Variants in NME4 observed in about 807,000 individuals in gnomAD.
NME4 encodes NME/NM23 nucleoside diphosphate kinase 4.
Under a neutral mutation model 16.4 loss-of-function variants are expected in NME4, and 21 were observed. The observed-to-expected ratio is 1.28, with a 90% confidence interval of 0.91 to 1.84. The LOEUF (loss-of-function observed/expected upper bound fraction) is 1.84, where lower values mean the gene tolerates loss of function less well. NME4 is among the 40% of genes most tolerant of loss of function. The pLI is 0.00. For missense variants in NME4, 316 were observed against 261.3 expected (o/e 1.21, Z -1.44); for synonymous variants, 132 against 107.5 (o/e 1.23, Z -1.41).
intron 4 of NME4, 84 bp downstream of exon 4, chr16:399,823 C>A: frequency 8.8e-7 from 1 of 1,135,802 alleles, no homozygotes; most frequent in Non-Finnish European, 1.3e-6. Flanking sequence ...CGAGACCTGG[C>A]TGTCTTGCTG....
intron 1 of NME4, chr16:397,978 T>C (rs559074909): frequency 6.5e-7 from 1 of 1,543,862 alleles, no homozygotes; most frequent in African/African-American, 1.4e-5. Context: ...CAAACTGGGT[T>C]TTGGGGGAAC....
At chr16:397,390 C>A in intron 1 of NME4, 77 bp downstream of exon 1, 1 of 544,790 alleles carries the variant, frequency 1.8e-6, no homozygotes. Flanking sequence ...TGTGCGCGCA[C>A]GTGCGGGCTG....
intron 1 of NME4, chr16:398,709 A>G (rs914080893): frequency 5.2e-5 from 27 of 522,066 alleles, no homozygotes; most frequent in Non-Finnish European, 8.5e-5. Context: ...TGCCTCCCTG[A>G]ACCTCGGGGC....
chr16:398,238 G>A, intron 1 of NME4: 1 of 1,425,764 alleles, frequency 7.0e-7, no homozygotes, highest in South Asian at 1.2e-5. Context: ...GGCTGGGGCG[G>A]AGCTCAGCGC....
intron 1 of NME4, chr16:398,561 A>T (rs11248932): frequency 0.3 from 146,268 of 481,432 alleles, 23,123 homozygotes; most frequent in South Asian, 0.42. Flanking sequence ...GACTTCCCTG[A>T]GGCCACTGAG....
At chr16:399,981 G>A (rs1371662733) in intron 4 of NME4, 11 of 682,956 alleles carry the variant, frequency 1.6e-5, no homozygotes, top group Middle Eastern at 3.7e-4. Flanking sequence ...GGGTTGGCAC[G>A]GGGCAACTTG....
rs200560858 is a variant in NME4, at chr16:399,449, G to A, written c.296G>A (p.Arg99His). Residue 99 changes from arginine (R) to histidine (H), a missense_variant, in exon 3 of 5, where the codon CGC becomes CAC. Coordinates refer to ENST00000219479, the MANE Select transcript of NME4 (RefSeq NM_005009.3). ...RRKPFYPALI[R>H]YMSSGPVVAM... ...AAGCCCTTCTACCCTGCCCTCATCC[G>A]CTACATGAGCTCTGGGCCTGTGGTG... 7.1e-5 allele frequency: 114 copies of A among 1,612,934 alleles called. No individual in the cohort carries two copies. In the East Asian group the frequency reaches 1.3e-3, roughly 19 times the overall value.
chr16:399,182 C>A (rs979888820), intron 2 of NME4, 59 bp downstream of exon 2: 22 of 1,594,432 alleles, frequency 1.4e-5, no homozygotes, highest in Middle Eastern at 1.8e-4. Flanking sequence ...GGATCCTTCT[C>A]GGCCTTTCAC....
intron 1 of NME4, chr16:398,109 G>C: frequency 6.5e-7 from 1 of 1,534,346 alleles, no homozygotes; most frequent in Non-Finnish European, 8.8e-7. Context: ...CAGGGTCTGG[G>C]CTCCTCTGGA....
Position 400,474 on chromosome 16 carries a change from C to G in NME4, c.*132C>G, listed in dbSNP as rs917427972. 5 of 1,197,718 alleles carry G rather than the reference C, an allele frequency of 4.2e-6. No homozygotes were observed. The African/African-American group carries it at 7.7e-5, about 19-fold the overall frequency. 74.2% of individuals were successfully genotyped at this position (1,197,718 alleles called of 1,614,324 possible). A position where few individuals can be genotyped will look rare whatever the true frequency, so the allele number is the denominator to read the frequency against. On this transcript the variant is annotated 3_prime_UTR_variant, in exon 5 of 5. Coordinates refer to ENST00000219479, the MANE Select transcript of NME4 (RefSeq NM_005009.3). ...CCTGTTCACCTCTGCCCCACCCCAGCCCAGAGGAGTTTGAGCCACCAACTT... is the reference window on the plus strand; with the variant it reads ...CCTGTTCACCTCTGCCCCACCCCAGGCCAGAGGAGTTTGAGCCACCAACTT...
intron 1 of NME4, chr16:397,932 G>A: frequency 4.5e-6 from 7 of 1,550,256 alleles, no homozygotes; most frequent in Non-Finnish European, 6.1e-6. Flanking sequence ...GCCCGCACCA[G>A]CCGCAGCAGA....
intron 1 of NME4, chr16:398,153 T>C: frequency 1.3e-6 from 2 of 1,527,552 alleles, no homozygotes; most frequent in South Asian, 1.2e-5. Flanking sequence ...GTAGCTTGGC[T>C]CTGGAGCAGC....
upstream of NME4, chr16:396,860 A>C (rs1942096943): frequency 6.6e-6 from 1 of 152,298 alleles, no homozygotes; most frequent in South Asian, 2.1e-4. Context: ...CTCAGGCTGG[A>C]GTGCAGCGGT....
chr16:400,132 GA>G, intron 4 of NME4, 86 bp from the exon 5 acceptor site: 1 of 1,554,820 alleles, frequency 6.4e-7, no homozygotes, highest in Non-Finnish European at 8.8e-7. Context: ...CCCCTAGACA[GA>G]GGGCAACGGG....
rs560081691 is a variant in NME4 at position 400,375 on chromosome 16, C to T, written c.*33C>T. ...GCTGCCCTTACCACCCCATCCCCCA[C>T]GCAGGACCAACTACCTCCGTCAGCA... On this transcript the variant is annotated 3_prime_UTR_variant, in exon 5 of 5. Coordinates refer to ENST00000219479, the MANE Select transcript of NME4 (RefSeq NM_005009.3). 24 of 1,584,420 alleles carry T rather than the reference C, an allele frequency of 1.5e-5. No individual in the cohort carries two copies. The Admixed American group carries it at 2.2e-4, about 15-fold the overall frequency.
chr16:400,585 G>A lies in NME4; in HGVS notation c.*243G>A, dbSNP rs1005477939. ...GCCGGACAACCTTTGTGGTGGGGGG[G>A]GGTCTTCACATTATCATAACCTCTC... is the stretch of plus-strand genomic sequence containing the variant. On this transcript the variant is annotated 3_prime_UTR_variant, in exon 5 of 5. Transcript: ENST00000219479. The A allele has an allele frequency of 2.1e-5, 10 of 486,242 alleles. No individual in the cohort carries two copies. The East Asian group carries it at 2.3e-4, about 11-fold the overall frequency. The allele number at this position is 486,242 out of a possible 1,614,324, so 30.1% of individuals were successfully genotyped here. A position where few individuals can be genotyped will look rare whatever the true frequency, so the allele number is the denominator to read the frequency against.
intron 1 of NME4, chr16:398,048 C>G: frequency 1.3e-6 from 2 of 1,531,048 alleles, no homozygotes; most frequent in South Asian, 1.2e-5. Context: ...TTAACTTTTC[C>G]TCCTGGCCTG....
chr16:399,281 G>T (rs779063625), intron 2 of NME4, 98 bp from the exon 3 acceptor site: 1 of 1,409,624 alleles, frequency 7.1e-7, no homozygotes, highest in Admixed American at 1.7e-5. Context: ...GCCCATGCTG[G>T]TGTTATCTGC....
In NME4 at chr16:398,751, G is replaced by A. The variant is rs138615300; in HGVS notation, c.92-239G>A. The A allele has an allele frequency of 1.2e-3, 688 of 595,344 alleles. 7 individuals are homozygous for A. The highest frequency in any genetic ancestry group is 0.011 in the African/African-American group (588 of 53,752). The allele number at this position is 595,344 out of a possible 1,614,324, so 36.9% of individuals were successfully genotyped here. A position where few individuals can be genotyped will look rare whatever the true frequency, so the allele number is the denominator to read the frequency against. ...AGGCAGCCTCTGCCTCTGCTGGGAG[G>A]AGCCATGGCCCCTGGGAGAGGCTAG... On this transcript the variant is annotated intron_variant, in intron 1 of 4. Coordinates refer to ENST00000219479, the MANE Select transcript of NME4 (RefSeq NM_005009.3).
Sources: gnomAD v4.1 joint callset for allele counts on GRCh38, gnomAD v4.1.1 for gene constraint, MANE v1.5 for transcripts, NCBI Gene and HGNC (gene_info 2026-07-23, HGNC 2026-07-21) for gene names.